Variants in RAI1 observed in about 807,000 individuals in gnomAD.
RAI1 encodes retinoic acid-induced protein 1.
A neutral mutation model predicts 123.8 loss-of-function variants in RAI1; 9 were observed. That is an observed-to-expected ratio of 0.07 (90% CI 0.04 to 0.13). The LOEUF (loss-of-function observed/expected upper bound fraction) is 0.13, where lower values mean the gene tolerates loss of function less well. Ranked by LOEUF, RAI1 falls within the 10% of genes least tolerant of loss-of-function variation. The pLI is 1.00. For missense variants in RAI1, 2,256 were observed against 2,545.8 expected (o/e 0.89, Z 2.45); for synonymous variants, 1,231 against 1,127.3 (o/e 1.09, Z -1.84).
chr17:17,748,876 C>T (rs2030034221), intron 2 of RAI1, among the ~76,000 whole-genome samples: 1 of 152,134 alleles, frequency 6.6e-6, no homozygotes, highest in Non-Finnish European at 1.5e-5. Flanking sequence ...GGGGCTTCAG[C>T]CCCTAATGGG....
intron 2 of RAI1, among the ~76,000 whole-genome samples, chr17:17,730,052 C>T (rs1328501788): frequency 1.3e-5 from 2 of 152,194 alleles, no homozygotes; most frequent in Non-Finnish European, 2.9e-5. Flanking sequence ...TTCCCCAAGG[C>T]AGAACTGGGA....
At chr17:17,715,527 A>G (rs1181263278) in intron 1 of RAI1, among the ~76,000 whole-genome samples, 2 of 152,194 alleles carry the variant, frequency 1.3e-5, no homozygotes, top group Non-Finnish European at 2.9e-5. Context: ...GCATTCTGGG[A>G]TGACACCAGA....
chr17:17,728,712 C>T (rs1299953361), intron 2 of RAI1, among the ~76,000 whole-genome samples: 1 of 152,220 alleles, frequency 6.6e-6, no homozygotes, highest in African/African-American at 2.4e-5. Context: ...AGGCACTGAG[C>T]TTGTTGTTTG....
At chr17:17,686,211 C>T (rs1332894448) in intron 1 of RAI1, among the ~76,000 whole-genome samples, 2 of 152,064 alleles carry the variant, frequency 1.3e-5, no homozygotes, top group Non-Finnish European at 2.9e-5. Context: ...GGGTGAGAGC[C>T]CCAACATTGT....
At chr17:17,759,361 G>A (rs1194699311) in intron 2 of RAI1, 1 of 152,202 alleles carries the variant, frequency 6.6e-6, no homozygotes, top group African/African-American at 2.4e-5. Flanking sequence ...CCCAGCTATG[G>A]ATGCGTCCGT....
chr17:17,781,755 C>T (rs2031589111), intron 2 of RAI1, among the ~76,000 whole-genome samples: 2 of 152,248 alleles, frequency 1.3e-5, no homozygotes, highest in African/African-American at 2.4e-5. Context: ...TACGGCCAGC[C>T]CGCTGCTGTT....
chr17:17,703,743 C>T (rs1335405478), intron 1 of RAI1, among the ~76,000 whole-genome samples: 8 of 152,280 alleles, frequency 5.3e-5, no homozygotes, highest in Non-Finnish European at 1.0e-4. Flanking sequence ...TGAGCTCAAA[C>T]GATCCTTCCG....
At position 17,750,725 on chromosome 17, in the gene RAI1, CAT is replaced by C. The variant is rs567071227; in HGVS notation, c.-17+26567_-17+26568del. The stretch of plus-strand genomic sequence containing the variant: ...AAAAAAAAAAAAAAGAAAAGAAACA[CAT>C]GATGGGTGTCTGGAGATGCAGCAGC... On this transcript the variant is annotated intron_variant, in intron 2 of 5. Transcript: ENST00000353383. Among the ~76,000 whole-genome samples the C allele has an allele frequency of 4.6e-3, 669 of 146,464 alleles. 6 individuals carry two copies. The highest frequency in any genetic ancestry group is 0.016 in the African/African-American group (621 of 39,644).
At chr17:17,697,638 G>A (rs893700291) in intron 1 of RAI1, among the ~76,000 whole-genome samples, 1 of 152,234 alleles carries the variant, frequency 6.6e-6, no homozygotes, top group African/African-American at 2.4e-5. Context: ...ATGACAAGAT[G>A]GGTTTGCGTG....
At position 17,732,909 on chromosome 17, in the gene RAI1, C is replaced by A. The variant is rs1185334278; in HGVS notation, c.-17+8750C>A. ...GAGCACATAGGCCAGAGGTTGTCCT[C>A]TGGCAATGCCCCCAGGTGGGCGCTG... On this transcript the variant is annotated intron_variant, in intron 2 of 5. Transcript: ENST00000353383. Among the ~76,000 whole-genome samples, 3 of 152,342 alleles carry A rather than the reference C, an allele frequency of 2.0e-5. No homozygotes were observed. The East Asian group carries it at 5.8e-4, about 29-fold the overall frequency.
chr17:17,734,724 T>C (rs1193055437), intron 2 of RAI1, among the ~76,000 whole-genome samples: 1 of 152,234 alleles, frequency 6.6e-6, no homozygotes, highest in Admixed American at 6.5e-5. Flanking sequence ...GTAGGTGTAT[T>C]ACATGCCTGC....
intron 2 of RAI1, among the ~76,000 whole-genome samples, chr17:17,751,391 A>G (rs1347485577): frequency 6.6e-6 from 1 of 152,218 alleles, no homozygotes; most frequent in African/African-American, 2.4e-5. Flanking sequence ...TGCCCAGAAC[A>G]GTGACCTAAG....
At chr17:17,757,790 A>G (rs1490447789) in intron 2 of RAI1, among the ~76,000 whole-genome samples, 1 of 152,260 alleles carries the variant, frequency 6.6e-6, no homozygotes, top group Non-Finnish European at 1.5e-5. Context: ...AAGGAGAAGC[A>G]GTAATCCATC....
chr17:17,741,353 G>C (rs1290880744), intron 2 of RAI1, among the ~76,000 whole-genome samples: 2 of 152,132 alleles, frequency 1.3e-5, no homozygotes. Context: ...GGGCGGGCTC[G>C]GCCACCTTCC....
chr17:17,768,453 A>C (rs546784136), intron 2 of RAI1, among the ~76,000 whole-genome samples: 83 of 152,348 alleles, frequency 5.4e-4, no homozygotes, highest in Middle Eastern at 6.8e-3. Context: ...ACGGTGCTCA[A>C]TAGCTATTTG....
At chr17:17,762,892 C>T (rs1263268967) in intron 2 of RAI1, among the ~76,000 whole-genome samples, 1 of 152,036 alleles carries the variant, frequency 6.6e-6, no homozygotes, top group African/African-American at 2.4e-5. Flanking sequence ...GCAAGAGGCT[C>T]CCATGGGGGC....
intron 2 of RAI1, among the ~76,000 whole-genome samples, chr17:17,730,272 G>A (rs533598113): frequency 6.6e-6 from 1 of 152,214 alleles, no homozygotes; most frequent in African/African-American, 2.4e-5. Context: ...CGAGGTCAGA[G>A]CATGGAAGGC....
chr17:17,682,131 G>A (rs973029363), intron 1 of RAI1, among the ~76,000 whole-genome samples: 1 of 150,788 alleles, frequency 6.6e-6, no homozygotes, highest in Non-Finnish European at 1.5e-5. Context: ...GCCGAGGCGC[G>A]GAGTCTTTGC....
intron 2 of RAI1, among the ~76,000 whole-genome samples, chr17:17,726,645 C>T (rs138881146): frequency 0.018 from 2,767 of 152,190 alleles, 39 homozygotes; most frequent in Non-Finnish European, 0.026. Context: ...GGGAAAGTTT[C>T]TCAATTGGAA....
Sources: allele counts gnomAD v4.1 joint callset (sites outside exome capture counted in the v4.1 genomes callset), GRCh38; gene constraint gnomAD v4.1.1; transcripts MANE v1.5; gene names NCBI Gene and HGNC (gene_info 2026-07-23, HGNC 2026-07-21).